ITGA9: variants seen among roughly 807,000 people sequenced by gnomAD.
The protein encoded by ITGA9 is integrin subunit alpha 9, also known as integrin alpha-9.
ITGA9 carries 56 observed loss-of-function variants against 127.8 expected under a neutral mutation model. The ratio of observed to expected loss-of-function variants is 0.44; its 90% confidence interval spans 0.35 to 0.55. ITGA9 has a LOEUF of 0.55. Among genes scored for constraint, ITGA9 ranks in the 20% least tolerant of loss-of-function variants. The probability of loss-of-function intolerance (pLI) is 0.00; values close to 1 mark genes in which losing one functional copy is unlikely to be tolerated. For synonymous variants in ITGA9, 508 were observed against 514.5 expected (o/e 0.99, Z 0.17); for missense variants, 1,196 against 1,347.1 (o/e 0.89, Z 1.76).
At chr3:37,635,387 T>C (rs1312898159) in intron 16 of ITGA9, among the ~76,000 whole-genome samples, 1 of 152,172 alleles carries the variant, frequency 6.6e-6, no homozygotes, top group Non-Finnish European at 1.5e-5. Flanking sequence ...ATAAGTTTTC[T>C]TAATATCTTA....
chr3:37,618,554 C>A (rs1418680430), intron 15 of ITGA9, among the ~76,000 whole-genome samples: 2 of 152,228 alleles, frequency 1.3e-5, no homozygotes, highest in African/African-American at 2.4e-5. Flanking sequence ...TCCCCTACCC[C>A]CAGAGGTGGA....
chr3:37,588,799 A>G (rs1223022375), intron 15 of ITGA9, among the ~76,000 whole-genome samples: 2 of 152,174 alleles, frequency 1.3e-5, no homozygotes, highest in African/African-American at 2.4e-5. Context: ...GAGACTGAGC[A>G]TGGCTGGTAA....
intron 15 of ITGA9, among the ~76,000 whole-genome samples, chr3:37,566,791 A>C (rs540621462): frequency 1.3e-5 from 2 of 152,354 alleles, no homozygotes; most frequent in South Asian, 4.1e-4. Flanking sequence ...GATTTAAGCA[A>C]GAGCCATGGA....
At chr3:37,459,954 A>G (rs73826544) in intron 1 of ITGA9, among the ~76,000 whole-genome samples, 3,971 of 152,236 alleles carry the variant, frequency 0.026, 169 homozygotes, top group African/African-American at 0.089. Flanking sequence ...TCACTGAGTG[A>G]ACAGGGACCC....
intron 12 of ITGA9, among the ~76,000 whole-genome samples, chr3:37,523,974 G>T (rs977893221): frequency 2.0e-5 from 3 of 152,150 alleles, no homozygotes; most frequent in African/African-American, 7.2e-5. Context: ...ACTCTTGAGA[G>T]GGAAAAAGAG....
intron 17 of ITGA9, among the ~76,000 whole-genome samples, chr3:37,655,027 C>A (rs574639551): frequency 6.6e-6 from 1 of 152,104 alleles, no homozygotes; most frequent in East Asian, 1.9e-4. Context: ...TGAACTCATC[C>A]TTTTTTATGG....
At chr3:37,581,560 C>T (rs1338175881) in intron 15 of ITGA9, among the ~76,000 whole-genome samples, 1 of 152,210 alleles carries the variant, frequency 6.6e-6, no homozygotes, top group African/African-American at 2.4e-5. Flanking sequence ...CTATTTCTTG[C>T]TTTGAAGAGA....
At chr3:37,694,372 A>T (rs1700862420) in intron 18 of ITGA9, among the ~76,000 whole-genome samples, 2 of 152,222 alleles carry the variant, frequency 1.3e-5, no homozygotes, top group African/African-American at 4.8e-5. Flanking sequence ...CCCTTGCATC[A>T]GGGAGAGCCC....
intron 15 of ITGA9, among the ~76,000 whole-genome samples, chr3:37,594,314 C>T (rs921489750): frequency 6.6e-6 from 1 of 152,162 alleles, no homozygotes. Context: ...CTGTGGGAAG[C>T]AGGGCAGAGT....
chr3:37,568,414 G>A (rs1441619071), intron 15 of ITGA9, among the ~76,000 whole-genome samples: 1 of 152,226 alleles, frequency 6.6e-6, no homozygotes, highest in African/African-American at 2.4e-5. Context: ...TTTCCCCATT[G>A]TCATGGCGAT....
intron 26 of ITGA9, among the ~76,000 whole-genome samples, chr3:37,786,633 T>C (rs1697045565): frequency 6.6e-6 from 1 of 151,216 alleles, no homozygotes; most frequent in South Asian, 2.1e-4. Flanking sequence ...AAAAAACCAA[T>C]AGTAATAATG....
At chr3:37,697,212 C>G (rs1700894012) in intron 18 of ITGA9, among the ~76,000 whole-genome samples, 1 of 152,108 alleles carries the variant, frequency 6.6e-6, no homozygotes, top group Non-Finnish European at 1.5e-5. Context: ...ATGTACAGGA[C>G]AGTCATGACC....
chr3:37,509,863 A>G lies in ITGA9; in HGVS notation c.897+1236A>G, dbSNP rs1395598756. ...AACTCTGTGCTACTTGTGATTTACA[A>G]AAGAGAGTTTCAAAGAGCAAGTAGG... On this transcript the variant is annotated intron_variant, in intron 8 of 27. Transcript: ENST00000264741. 2.6e-5 allele frequency among the ~76,000 whole-genome samples: 4 copies of G among 152,204 alleles called. No homozygotes were observed. The East Asian group carries it at 7.7e-4, about 29-fold the overall frequency.
chr3:37,769,393 C>G (rs1337092651), intron 23 of ITGA9, among the ~76,000 whole-genome samples: 1 of 150,948 alleles, frequency 6.6e-6, no homozygotes, highest in Non-Finnish European at 1.5e-5. Context: ...CAAATTATTT[C>G]TTTAATTTTG....
At chr3:37,784,782 T>C (rs1372933489) in intron 25 of ITGA9, among the ~76,000 whole-genome samples, 195 bp from the exon 26 acceptor site, 3 of 152,176 alleles carry the variant, frequency 2.0e-5, no homozygotes, top group Non-Finnish European at 4.4e-5. Context: ...TCCACCATGA[T>C]CTGCAAAGAA....
chr3:37,621,646 GAA>G (rs1700129947), intron 15 of ITGA9, among the ~76,000 whole-genome samples: 2 of 152,060 alleles, frequency 1.3e-5, no homozygotes, highest in African/African-American at 4.8e-5. Flanking sequence ...CCTTTGAAGA[GAA>G]AAAAGCATCA....
chr3:37,638,290 G>T (rs966876749), intron 16 of ITGA9, among the ~76,000 whole-genome samples: 3 of 152,084 alleles, frequency 2.0e-5, no homozygotes, highest in African/African-American at 7.2e-5. Flanking sequence ...TCAGTATGGC[G>T]AGGTATGTGG....
chr3:37,753,342 T>C (rs1696612282), intron 23 of ITGA9, among the ~76,000 whole-genome samples: 1 of 152,208 alleles, frequency 6.6e-6, no homozygotes, highest in African/African-American at 2.4e-5. Flanking sequence ...TAAAATGCCA[T>C]TGTAATACCG....
In ITGA9 at chr3:37,727,162, A is replaced by T. The variant is rs561265643; in HGVS notation, c.2068-5550A>T. 1.8e-4 allele frequency among the ~76,000 whole-genome samples: 28 copies of T among 152,352 alleles called. 1 individual carries two copies. The highest frequency in any genetic ancestry group is 2.8e-4 in the Non-Finnish European group (19 of 68,038). ...GCTACAGCTCGCTGCGCTGGCCAGCATCTTGAGAGTATTGTACAGCTTTCT... is the reference window on the plus strand; with the variant it reads ...GCTACAGCTCGCTGCGCTGGCCAGCTTCTTGAGAGTATTGTACAGCTTTCT... On this transcript the variant is annotated intron_variant, in intron 18 of 27. Coordinates refer to ENST00000264741, the MANE Select transcript of ITGA9 (RefSeq NM_002207.3).
Sources: gnomAD v4.1 joint callset for allele counts (sites outside exome capture counted in the v4.1 genomes callset) on GRCh38, gnomAD v4.1.1 for gene constraint, MANE v1.5 for transcripts, NCBI Gene and HGNC (gene_info 2026-07-23, HGNC 2026-07-21) for gene names.